MICB: variants seen among roughly 807,000 people sequenced by gnomAD.
The protein encoded by MICB is MHC class I antigen-related protein B.
Under a neutral mutation model 34.3 loss-of-function variants are expected in MICB, and 27 were observed. That is an observed-to-expected ratio of 0.79 (90% confidence interval 0.58 to 1.08). The LOEUF is 1.08. MICB is among the 50% of genes least tolerant of loss of function. MICB has a pLI of 0.00. For synonymous variants in MICB, 153 were observed against 187.4 expected, an observed-to-expected ratio of 0.82 and a Z score of 1.50; for missense variants, 426 against 483.1, an observed-to-expected ratio of 0.88 and a Z score of 1.11.
upstream of MICB, among the ~76,000 whole-genome samples, chr6:31,497,836 G>A (rs1764749163): frequency 6.6e-6 from 1 of 152,154 alleles, no homozygotes; most frequent in Non-Finnish European, 1.5e-5. Context: ...CGGGGATGGG[G>A]TGGTCGCGAT....
intron 3 of MICB, 148 bp downstream of exon 3, chr6:31,506,578 G>A (rs558168325): frequency 1.1e-6 from 1 of 873,106 alleles, no homozygotes; most frequent in South Asian, 1.8e-5. Flanking sequence ...TCTCCTGTTA[G>A]AGCCATTGGA....
At chr6:31,506,885 T>G in intron 3 of MICB, 137 bp from the exon 4 acceptor site, 1 of 1,393,476 alleles carries the variant, frequency 7.2e-7, no homozygotes, top group South Asian at 1.4e-5. Context: ...GGCCCCAGGG[T>G]GAGGACAGAC....
chr6:31,503,035 T>C (rs1021329929), intron 1 of MICB, among the ~76,000 whole-genome samples: 4 of 152,252 alleles, frequency 2.6e-5, no homozygotes, highest in Admixed American at 2.6e-4. Flanking sequence ...TGATACGATG[T>C]ATTACATTGA....
chr6:31,508,961 G>A (rs577857430), intron 5 of MICB, among the ~76,000 whole-genome samples: 1 of 152,264 alleles, frequency 6.6e-6, no homozygotes, highest in South Asian at 2.1e-4. Flanking sequence ...TCAGGCTAAG[G>A]GGTCTCCCCT....
chr6:31,496,202 T>C (rs1764644877), upstream of MICB, among the ~76,000 whole-genome samples: 1 of 127,806 alleles, frequency 7.8e-6, no homozygotes, highest in Non-Finnish European at 1.7e-5. Flanking sequence ...CCAATTCTCT[T>C]AGTAGAGGCT....
At position 31,507,173 on chromosome 6, in the gene MICB, T is replaced by A; in HGVS notation, c.765T>A (p.Asp255Glu). Residue 255 changes from aspartate (D) to glutamate (E), a missense_variant, in exon 4 of 6, where the codon GAT (aspartate) becomes GAA (glutamate). By Grantham distance (45) the Asp-to-Glu change is conservative. Transcript: ENST00000252229. This position sits in a 1 kb window ranked among gnomAD's most constrained non-coding sequence, Gnocchi z 6.0. ...SLSHNTQQWG[D>E]VLPDGNGTYQ... The stretch of plus-strand genomic sequence containing the variant: ...GCCACAACACCCAGCAGTGGGGGGA[T>A]GTCCTGCCTGATGGGAATGGAACCT... 1 of 1,614,076 alleles carries A rather than the reference T, an allele frequency of 6.2e-7. No individual in the cohort carries two copies.
At position 31,507,857 on chromosome 6, in the gene MICB, GT is replaced by G. The variant is rs1436432562; in HGVS notation, c.1024+327del. Reference sequence around the variant, plus strand: ...CTCGGGCTCACTAGGGTGCGTCCAGGTGGGGTGAGTTGGGAATCACGTGCTG... The same window carrying G: ...CTCGGGCTCACTAGGGTGCGTCCAGGGGGGTGAGTTGGGAATCACGTGCTG... On this transcript the variant is annotated intron_variant, in intron 5 of 5. Coordinates refer to ENST00000252229, the MANE Select transcript of MICB (RefSeq NM_005931.5). The surrounding 1 kb of genome is among the most constrained non-coding windows in gnomAD (Gnocchi z 6.0). Among the ~76,000 whole-genome samples, 1 of 152,182 alleles carries G rather than the reference GT, an allele frequency of 6.6e-6. No homozygotes were observed. Among genetic ancestry groups the G allele is most frequent in the Non-Finnish European group, 1.5e-5 (1 of 68,028 alleles).
At chr6:31,506,122 G>A (rs899302200) in intron 2 of MICB, 21 bp from the exon 3 acceptor site, 42 of 1,603,074 alleles carry the variant, frequency 2.6e-5, no homozygotes, top group Non-Finnish European at 3.4e-5. Context: ...GAATGGAGAA[G>A]TCACTGCTGG....
intron 1 of MICB, among the ~76,000 whole-genome samples, chr6:31,500,322 G>A (rs2534667): frequency 0.15 from 22,612 of 151,640 alleles, 1,884 homozygotes; most frequent in Admixed American, 0.24. Context: ...GTTTGGGTAC[G>A]TAGTAGATAT....
intron 1 of MICB, among the ~76,000 whole-genome samples, chr6:31,503,281 A>C (rs909910295): frequency 6.6e-6 from 1 of 152,200 alleles, no homozygotes; most frequent in South Asian, 2.1e-4. Context: ...TCTGTTTTTC[A>C]GAACAATTTG....
Position 31,502,243 on chromosome 6 carries a change from G to A in MICB, c.71-3374G>A, listed in dbSNP as rs375883533. 3.2e-4 allele frequency among the ~76,000 whole-genome samples: 48 copies of A among 152,326 alleles called. 3 individuals carry two copies. In the East Asian group the frequency reaches 5.0e-3, roughly 16 times the overall value. ...CCAGCTACTCAGGAAAGCTGAGGCAGGAGAATCGCTTGAACCCAGGAGGCA... is the reference window on the plus strand; with the variant it reads ...CCAGCTACTCAGGAAAGCTGAGGCAAGAGAATCGCTTGAACCCAGGAGGCA... On this transcript the variant is annotated intron_variant, in intron 1 of 5. Transcript: ENST00000252229.
upstream of MICB, chr6:31,498,066 GC>G (rs199578624): frequency 0.067 from 40,231 of 600,560 alleles, 1,625 homozygotes; most frequent in African/African-American, 0.097. Flanking sequence ...TAAGTTCCGG[GC>G]CTCAGTTTTC....
At chr6:31,506,669 T>G (rs1454169699) in intron 3 of MICB, among the ~76,000 whole-genome samples, 1 of 152,184 alleles carries the variant, frequency 6.6e-6, no homozygotes, top group Non-Finnish European at 1.5e-5. Context: ...AGCCTGAGCC[T>G]GGTGTGGGAG....
At chr6:31,504,662 T>C (rs1479738195) in intron 1 of MICB, among the ~76,000 whole-genome samples, 1 of 152,168 alleles carries the variant, frequency 6.6e-6, no homozygotes, top group East Asian at 1.9e-4. Flanking sequence ...TGCACAGATA[T>C]TTTGAATTTT....
At position 31,507,920 on chromosome 6, in the gene MICB, A is replaced by G. The variant is rs1765448323; in HGVS notation, c.1024+389A>G. On this transcript the variant is annotated intron_variant, in intron 5 of 5. Transcript: ENST00000252229. The surrounding 1 kb of genome is among the most constrained non-coding windows in gnomAD (Gnocchi z 6.0). The stretch of plus-strand genomic sequence containing the variant: ...CCTGGATGATCATGGTGTCAGAGGG[A>G]GGAAATAGTAAAGGTGGCTGTGATC... Among the ~76,000 whole-genome samples, 1 of 152,008 alleles carries G rather than the reference A, an allele frequency of 6.6e-6. No individual in the cohort carries two copies. The highest frequency in any genetic ancestry group is 6.5e-5 in the Admixed American group (1 of 15,274).
chr6:31,506,698 C>T (rs1221132178), intron 3 of MICB, among the ~76,000 whole-genome samples: 1 of 152,036 alleles, frequency 6.6e-6, no homozygotes, highest in Non-Finnish European at 1.5e-5. Context: ...GAGAGGAAGC[C>T]CTCAGGGCCA....
In MICB at chr6:31,507,319, T is replaced by C. The variant is rs370386306; in HGVS notation, c.892+19T>C. On this transcript the variant is annotated intron_variant, in intron 4 of 5. Coordinates refer to ENST00000252229, the MANE Select transcript of MICB (RefSeq NM_005931.5). The surrounding 1 kb of genome is among the most constrained non-coding windows in gnomAD (Gnocchi z 6.0). ...CCCTCTGGTGAGCCTGGGGTGACCC[T>C]GGAGAGGGTCAGGCCAGGGTAGGAA... 7.5e-6 allele frequency: 12 copies of C among 1,609,906 alleles called. No homozygotes were observed. The highest frequency in any genetic ancestry group is 9.3e-6 in the Non-Finnish European group (11 of 1,178,148).
In MICB at chr6:31,509,901, G is replaced by C. The variant is rs1310546879; in HGVS notation, c.1144G>C (p.Gly382Arg). The C allele has an allele frequency of 6.2e-7, 1 of 1,609,462 alleles. No individual in the cohort carries two copies. Among genetic ancestry groups the C allele is most frequent in the Non-Finnish European group, 8.5e-7 (1 of 1,177,744 alleles). Residue 382 changes from glycine to arginine, a missense_variant, in exon 6 of 6, where the codon GGC becomes CGC. Transcript: ENST00000252229. The part of the protein sequence containing the change: ...SATGSTGSTE[G>R]T Reference sequence around the variant, plus strand: ...TACTGGGTCCACTGGTTCCACTGAGGGCACCTAGACTCTACAGCCAGGCGG... The same window carrying C: ...TACTGGGTCCACTGGTTCCACTGAGCGCACCTAGACTCTACAGCCAGGCGG...
chr6:31,500,333 G>A (rs2904593), intron 1 of MICB, among the ~76,000 whole-genome samples: 41 of 151,886 alleles, frequency 2.7e-4, no homozygotes, highest in Non-Finnish European at 4.1e-4. Flanking sequence ...TAGTAGATAT[G>A]TATGTATATA....
Sources: allele counts gnomAD v4.1 joint callset (sites outside exome capture counted in the v4.1 genomes callset), GRCh38; gene constraint gnomAD v4.1.1; non-coding constraint Gnocchi (gnomAD v3.1); transcripts MANE v1.5; gene names NCBI Gene and HGNC (gene_info 2026-07-23, HGNC 2026-07-21).